The following RUNX1T1 variants were observed in gnomAD, a reference collection of about 807,000 sequenced individuals.
RUNX1T1 encodes RUNX1 partner transcriptional co-repressor 1, also known as protein CBFA2T1.
A neutral mutation model predicts 62.8 loss-of-function variants in RUNX1T1; 4 were observed. The observed-to-expected ratio is 0.06, with a 90% CI of 0.03 to 0.15. RUNX1T1 has a LOEUF of 0.15. Ranked by LOEUF, RUNX1T1 falls within the 10% of genes least tolerant of loss-of-function variation. The pLI is 1.00. For synonymous variants in RUNX1T1, 291 were observed against 286.0 expected, an observed-to-expected ratio of 1.02 and a Z score of -0.18; for missense variants, 508 against 754.3, an observed-to-expected ratio of 0.67 and a Z score of 3.82.
intron 9 of RUNX1T1, 100 bp from the exon 11 acceptor site, chr8:91,970,948 G>T: frequency 9.5e-7 from 1 of 1,056,456 alleles, no homozygotes; most frequent in Non-Finnish European, 1.3e-6. Context: ...TTTTCTTTCC[G>T]AGGCTGGTCT....
In RUNX1T1 at chr8:92,072,505, T is replaced by C. The variant is rs75969468; in HGVS notation, c.88+3460A>G. Reference sequence around the variant, plus strand: ...GATATACTCTTCTTTCATCTCAAAATCCATACAGTAAAATATTGGCTGAAA... The same window carrying C: ...GATATACTCTTCTTTCATCTCAAAACCCATACAGTAAAATATTGGCTGAAA... On this transcript the variant is annotated intron_variant, in intron 2 of 11. Transcript: ENST00000265814. Among the ~76,000 whole-genome samples the C allele has an allele frequency of 8.0e-3, 1,218 of 152,262 alleles. 11 individuals are homozygous for C. The highest frequency in any genetic ancestry group is 0.028 in the African/African-American group (1,176 of 41,556).
upstream of RUNX1T1, chr8:92,102,796 AAC>A (rs1331527636): frequency 1.8e-5 from 26 of 1,454,406 alleles, no homozygotes; most frequent in Non-Finnish European, 2.4e-5. The surrounding 1 kb of genome is among the most constrained non-coding windows in gnomAD (Gnocchi z 4.5). Flanking sequence ...AGTAATTAAT[AAC>A]AGTCAGGGGC....
At chr8:92,002,516 C>T (rs1819964636) in intron 5 of RUNX1T1, among the ~76,000 whole-genome samples, 1 of 152,114 alleles carries the variant, frequency 6.6e-6, no homozygotes, top group African/African-American at 2.4e-5. Context: ...AGTACATTAA[C>T]TCAGCAATCG....
At chr8:91,979,766 A>T (rs1202532886) in intron 8 of RUNX1T1, 1 of 510,176 alleles carries the variant, frequency 2.0e-6, no homozygotes, top group Admixed American at 2.4e-5. Flanking sequence ...TGGAAGATGC[A>T]CTACACTTAC....
chr8:92,088,900 C>G (rs1308217848), intron 1 of RUNX1T1, among the ~76,000 whole-genome samples: 1 of 152,142 alleles, frequency 6.6e-6, no homozygotes, highest in African/African-American at 2.4e-5. Context: ...CAGTTAGTAC[C>G]AACTACGAGT....
intron 1 of RUNX1T1, among the ~76,000 whole-genome samples, chr8:92,078,926 T>C (rs923648640): frequency 9.2e-5 from 14 of 152,244 alleles, no homozygotes; most frequent in African/African-American, 3.1e-4. Flanking sequence ...TAACCTCATA[T>C]GGCCTTGGCA....
intron 1 of RUNX1T1, among the ~76,000 whole-genome samples, chr8:92,048,880 G>T (rs1410091367): frequency 6.6e-6 from 1 of 152,162 alleles, no homozygotes; most frequent in African/African-American, 2.4e-5. Flanking sequence ...GTCCTTAAGA[G>T]ACAAGAGAGG....
exon 11 of RUNX1T1, chr8:91,960,039 T>C (rs533943133): frequency 1.7e-6 from 1 of 599,066 alleles, no homozygotes; most frequent in Non-Finnish European, 3.0e-6. Flanking sequence ...TTATCCACAA[T>C]AAGTCATTAC....
intron 9 of RUNX1T1, among the ~76,000 whole-genome samples, chr8:91,974,431 A>T (rs151147238): frequency 6.6e-6 from 1 of 152,268 alleles, no homozygotes; most frequent in South Asian, 2.1e-4. Flanking sequence ...TTCTCTATGA[A>T]CTATCAAGAA....
intron 1 of RUNX1T1, chr8:92,095,434 T>C: frequency 6.5e-7 from 1 of 1,535,424 alleles, no homozygotes; most frequent in Non-Finnish European, 8.7e-7. Flanking sequence ...CATTGGAGCT[T>C]ATCAGAAGTA....
At chr8:92,093,516 TA>T (rs1426279789) in intron 1 of RUNX1T1, among the ~76,000 whole-genome samples, 2 of 152,244 alleles carry the variant, frequency 1.3e-5, no homozygotes, top group African/African-American at 4.8e-5. Context: ...CACTTGAGTG[TA>T]AAATACATAC....
intron 1 of RUNX1T1, among the ~76,000 whole-genome samples, chr8:92,034,775 TAC>T (rs747778564): frequency 0.062 from 8,485 of 137,748 alleles, 430 homozygotes; most frequent in Non-Finnish European, 0.094. Flanking sequence ...TACATATATA[TAC>T]ACATATATAT....
At chr8:92,001,588 T>TA (rs1397996269) in intron 5 of RUNX1T1, among the ~76,000 whole-genome samples, 1 of 152,162 alleles carries the variant, frequency 6.6e-6, no homozygotes, top group South Asian at 2.1e-4. Flanking sequence ...AATAATGGCA[T>TA]ATAAGAAGGG....
Position 92,053,637 on chromosome 8 carries a change from A to G in RUNX1T1, c.7+8909T>C. ...GTATTTTCCTTAACTCTGAAAGAAA[A>G]TTCTCATTCGTAAAGACCACTTACT... On this transcript the variant is annotated intron_variant, in intron 1 of 10. Coordinates refer to ENST00000396218, the Ensembl canonical transcript of RUNX1T1. 1.3e-5 allele frequency among the ~76,000 whole-genome samples: 2 copies of G among 152,196 alleles called. 1 individual carries two copies. The highest frequency in any genetic ancestry group is 2.9e-5 in the Non-Finnish European group (2 of 68,032).
chr8:92,082,046 C>T (rs972276354), intron 1 of RUNX1T1, among the ~76,000 whole-genome samples: 15 of 152,114 alleles, frequency 9.9e-5, no homozygotes, highest in African/African-American at 2.2e-4. Flanking sequence ...CCACCACGCC[C>T]GGCTAATTTT....
At chr8:92,034,309 C>G (rs1195823712) in intron 1 of RUNX1T1, among the ~76,000 whole-genome samples, 1 of 152,088 alleles carries the variant, frequency 6.6e-6, no homozygotes, top group African/African-American at 2.4e-5. Flanking sequence ...CAAAAGTACA[C>G]TAGAGCACCA....
chr8:91,968,207 C>A (rs1812037614), intron 10 of RUNX1T1, among the ~76,000 whole-genome samples: 1 of 152,108 alleles, frequency 6.6e-6, no homozygotes, highest in Non-Finnish European at 1.5e-5. Flanking sequence ...AGACGATCAT[C>A]TGATCAGATG....
intron 9 of RUNX1T1, among the ~76,000 whole-genome samples, chr8:91,972,257 G>A (rs1813004878): frequency 6.6e-6 from 1 of 152,098 alleles, no homozygotes; most frequent in African/African-American, 2.4e-5. Context: ...TGACTTGAGA[G>A]TCATCAGAAG....
Position 91,986,112 on chromosome 8 carries a change from A to G in RUNX1T1, c.1198+12T>C. 6.3e-7 allele frequency: 1 copy of G among 1,595,886 alleles called. No homozygotes were observed. Among genetic ancestry groups the G allele is most frequent in the Non-Finnish European group, 8.6e-7 (1 of 1,163,390 alleles). ...TATGTGTTTTCGAGATACTCATCTG[A>G]AGAAAAGTTACCTAGTGCAACTGGG... On this transcript the variant is annotated intron_variant, in intron 8 of 10. Transcript: ENST00000396218.
Sources: gnomAD v4.1 joint callset for allele counts (sites outside exome capture counted in the v4.1 genomes callset) on GRCh38, gnomAD v4.1.1 for gene constraint, Gnocchi (gnomAD v3.1) non-coding constraint, MANE v1.5 for transcripts, NCBI Gene and HGNC (gene_info 2026-07-23, HGNC 2026-07-21) for gene names.